MED12L: variants seen among roughly 807,000 people sequenced by gnomAD.
The protein encoded by MED12L is mediator of RNA polymerase II transcription subunit 12-like protein.
MED12L carries 60 observed loss-of-function variants against 281.3 expected under a neutral mutation model. That is an observed-to-expected ratio of 0.21 (90% CI 0.17 to 0.26). The LOEUF (loss-of-function observed/expected upper bound fraction) is 0.26. MED12L is among the 10% of genes least tolerant of loss of function. The pLI is 1.00. For missense variants in MED12L, 2,146 were observed against 2,680.9 expected (o/e 0.80, Z 4.41); for synonymous variants, 974 against 987.2 (o/e 0.99, Z 0.25).
Position 151,086,879 on chromosome 3 carries a change from T to C in MED12L, c.-48T>C. 1 of 1,468,334 alleles carries C rather than the reference T, an allele frequency of 6.8e-7. No homozygotes were observed. Among genetic ancestry groups the C allele is most frequent in the Non-Finnish European group, 9.2e-7 (1 of 1,081,274 alleles). 91.0% of individuals were successfully genotyped at this position (1,468,334 alleles called of 1,614,324 possible). The stretch of plus-strand genomic sequence containing the variant: ...CTGCTCCCTGGTGCTCAGAGGCGGC[T>C]GCTCCAGCTCCAACTCTCATTCATT... On this transcript the variant is annotated 5_prime_UTR_variant, in exon 2 of 45. Coordinates refer to ENST00000687756, the MANE Select transcript of MED12L (RefSeq NM_001393769.1).
intron 2 of MED12L, among the ~76,000 whole-genome samples, chr3:151,106,593 T>C (rs898737648): frequency 9.9e-5 from 15 of 152,186 alleles, no homozygotes; most frequent in African/African-American, 3.6e-4. Context: ...TTCTTGTCTT[T>C]TACAGCTGCA....
chr3:151,294,740 A>C, intron 16 of MED12L: 1 of 1,614,142 alleles, frequency 6.2e-7, no homozygotes, highest in Non-Finnish European at 8.5e-7. Flanking sequence ...CAAAACAGCC[A>C]TGATCACCCA....
At chr3:151,100,745 C>G (rs972609471) in intron 2 of MED12L, among the ~76,000 whole-genome samples, 17 of 152,168 alleles carry the variant, frequency 1.1e-4, no homozygotes, top group African/African-American at 4.1e-4. Flanking sequence ...ATTGGAGACA[C>G]TATTTACATT....
intron 16 of MED12L, among the ~76,000 whole-genome samples, chr3:151,202,714 A>G (rs894612654): frequency 6.6e-6 from 1 of 152,204 alleles, no homozygotes; most frequent in African/African-American, 2.4e-5. Flanking sequence ...TAGATTTTCT[A>G]TGGGAATCAC....
At chr3:151,285,148 A>G (rs983767426) in intron 16 of MED12L, among the ~76,000 whole-genome samples, 10 of 152,204 alleles carry the variant, frequency 6.6e-5, no homozygotes, top group Non-Finnish European at 1.5e-4. Flanking sequence ...GTTCTCACTT[A>G]TAAGTGGGAG....
In MED12L at chr3:151,378,061, T is replaced by C; in HGVS notation, c.4366T>C (p.Leu1456=). 6.2e-7 allele frequency: 1 copy of C among 1,610,518 alleles called. No homozygotes were observed. Among genetic ancestry groups the C allele is most frequent in the Non-Finnish European group, 8.5e-7 (1 of 1,177,918 alleles). The change falls in exon 31 of 45, where the codon TTG becomes CTG. Residue 1456 remains leucine, a synonymous_variant. Coordinates refer to ENST00000687756, the MANE Select transcript of MED12L (RefSeq NM_001393769.1). ...VWLVAPLIAR[L]PTSVQGRVLK... ...GTTGGTGGCCCCCCTCATCGCCAGG[T>C]TGCCAACTTCTGTGCAAGGAAGAGT...
chr3:151,326,721 G>A (rs1462481618), intron 16 of MED12L: 2 of 152,208 alleles, frequency 1.3e-5, no homozygotes, highest in South Asian at 2.1e-4. Flanking sequence ...GGGCCTTTGA[G>A]GCCATGGAAG....
chr3:151,262,801 T>G (rs1489980907), intron 16 of MED12L, among the ~76,000 whole-genome samples: 1 of 152,170 alleles, frequency 6.6e-6, no homozygotes, highest in East Asian at 1.9e-4. Flanking sequence ...CTGTTCTAAA[T>G]TCCTTATTTA....
intron 2 of MED12L, among the ~76,000 whole-genome samples, chr3:151,088,614 C>T (rs780432359): frequency 6.6e-6 from 1 of 152,040 alleles, no homozygotes; most frequent in Non-Finnish European, 1.5e-5. Context: ...TTCTTCAGGC[C>T]AATGCTCATT....
chr3:151,213,087 A>G (rs1559883910), intron 16 of MED12L: 1 of 367,708 alleles, frequency 2.7e-6, no homozygotes, highest in Non-Finnish European at 4.8e-6. Flanking sequence ...AATAGAGAAT[A>G]GAAAGGTCAG....
chr3:151,106,064 A>G (rs973265531), intron 2 of MED12L, among the ~76,000 whole-genome samples: 1 of 151,804 alleles, frequency 6.6e-6, no homozygotes, highest in Non-Finnish European at 1.5e-5. Flanking sequence ...GGTCCAAGCT[A>G]CTATTATGTG....
chr3:151,333,652 C>A (rs1001964489), intron 16 of MED12L, among the ~76,000 whole-genome samples: 1 of 152,142 alleles, frequency 6.6e-6, no homozygotes. Context: ...TTTTTTCTAG[C>A]ATGTTTGTAG....
At chr3:151,321,967 G>A (rs539442806) in intron 16 of MED12L, among the ~76,000 whole-genome samples, 4 of 152,116 alleles carry the variant, frequency 2.6e-5, no homozygotes, top group South Asian at 4.2e-4. Context: ...GCAGAAACCC[G>A]GGTTACATGG....
intron 4 of MED12L, among the ~76,000 whole-genome samples, chr3:151,124,487 A>G (rs561390411): frequency 4.6e-5 from 7 of 152,308 alleles, no homozygotes; most frequent in South Asian, 2.1e-4. Context: ...TCAGCATATC[A>G]TCTTCTTGAG....
intron 16 of MED12L, among the ~76,000 whole-genome samples, chr3:151,274,076 C>T (rs1341967284): frequency 6.6e-6 from 1 of 152,088 alleles, no homozygotes; most frequent in African/African-American, 2.4e-5. Context: ...GTGCTAAAGT[C>T]GTGGCTCATG....
intron 43 of MED12L, among the ~76,000 whole-genome samples, chr3:151,424,161 C>T (rs752072474): frequency 4.6e-5 from 7 of 152,104 alleles, no homozygotes; most frequent in Non-Finnish European, 8.8e-5. Context: ...CATTGAGCTA[C>T]GTTGCCTTCC....
chr3:151,125,763 G>T (rs901889170), intron 4 of MED12L, among the ~76,000 whole-genome samples: 2 of 152,170 alleles, frequency 1.3e-5, no homozygotes, highest in African/African-American at 2.4e-5. Context: ...AGAGCCTTGT[G>T]CTCCATGAGA....
chr3:151,092,324 C>G (rs1156740478), intron 2 of MED12L, among the ~76,000 whole-genome samples: 1 of 152,208 alleles, frequency 6.6e-6, no homozygotes, highest in Non-Finnish European at 1.5e-5. Context: ...CACTGAAATG[C>G]AATTATTAGG....
intron 16 of MED12L, among the ~76,000 whole-genome samples, chr3:151,228,235 G>A (rs1346707100): frequency 6.6e-6 from 1 of 152,130 alleles, no homozygotes; most frequent in Non-Finnish European, 1.5e-5. Context: ...CTACATGTAT[G>A]GCGCTAGAAT....
Sources: gnomAD v4.1 joint callset for allele counts (sites outside exome capture counted in the v4.1 genomes callset) on GRCh38, gnomAD v4.1.1 for gene constraint, MANE v1.5 for transcripts, NCBI Gene and HGNC (gene_info 2026-07-23, HGNC 2026-07-21) for gene names.